Variants in AAMDC observed in about 807,000 individuals in gnomAD.
AAMDC encodes mth938 domain-containing protein.
AAMDC carries 16 observed loss-of-function variants against 15.5 expected under a neutral mutation model. The observed-to-expected ratio is 1.03, with a 90% CI of 0.70 to 1.57. The LOEUF (loss-of-function observed/expected upper bound fraction) is 1.57, where lower values mean the gene tolerates loss of function less well. Among genes scored for constraint, AAMDC ranks in the 40% most tolerant of loss-of-function variants. AAMDC has a pLI of 0.00. For synonymous variants in AAMDC, 51 were observed against 51.6 expected, an observed-to-expected ratio of 0.99 and a Z score of 0.05; for missense variants, 141 against 144.9, an observed-to-expected ratio of 0.97 and a Z score of 0.14.
At chr11:77,857,089 G>A (rs1278565112) in intron 2 of AAMDC, among the ~76,000 whole-genome samples, 1 of 152,204 alleles carries the variant, frequency 6.6e-6, no homozygotes, top group Non-Finnish European at 1.5e-5. Context: ...TAAAAGATAT[G>A]TAGGTTCTGC....
chr11:77,872,132 G>A (rs780132780), intron 3 of AAMDC, 43 bp from the exon 4 acceptor site: 1 of 1,590,390 alleles, frequency 6.3e-7, no homozygotes, highest in South Asian at 1.2e-5. Context: ...AACCCCTGGG[G>A]GGCCTTTCCC....
At chr11:77,869,138 TA>T in intron 2 of AAMDC, 2 of 254,974 alleles carry the variant, frequency 7.8e-6, no homozygotes, top group Non-Finnish European at 1.5e-5. Flanking sequence ...CCATATTTTC[TA>T]AAAGGCCTAG....
At chr11:77,900,272 T>C (rs1013918723) in intron 5 of AAMDC, among the ~76,000 whole-genome samples, 6 of 151,942 alleles carry the variant, frequency 3.9e-5, no homozygotes, top group Admixed American at 1.3e-4. Context: ...GCTAATTTTA[T>C]GTATTTTTAG....
intron 5 of AAMDC, among the ~76,000 whole-genome samples, chr11:77,896,878 G>C (rs933007581): frequency 4.7e-5 from 7 of 150,310 alleles, no homozygotes; most frequent in African/African-American, 1.7e-4. Flanking sequence ...CAAGAATATT[G>C]AAAGAAAACA....
chr11:77,858,443 G>A (rs1012053100), intron 2 of AAMDC, among the ~76,000 whole-genome samples: 3 of 150,150 alleles, frequency 2.0e-5, no homozygotes, highest in South Asian at 2.1e-4. Flanking sequence ...ATAGATGATT[G>A]GCTATTTCTT....
intron 5 of AAMDC, among the ~76,000 whole-genome samples, chr11:77,899,386 T>C (rs757650409): frequency 3.3e-5 from 5 of 151,438 alleles, no homozygotes; most frequent in African/African-American, 9.7e-5. Context: ...AAATGAAAAA[T>C]ATAGGCTGGG....
intron 1 of AAMDC, among the ~76,000 whole-genome samples, chr11:77,832,572 C>T (rs998161538): frequency 6.6e-6 from 1 of 151,868 alleles, no homozygotes; most frequent in African/African-American, 2.4e-5. Flanking sequence ...GTGATCCACC[C>T]GCCTCAGCCT....
intron 2 of AAMDC, among the ~76,000 whole-genome samples, chr11:77,857,077 A>T (rs757626726): frequency 6.6e-6 from 1 of 152,238 alleles, no homozygotes; most frequent in Non-Finnish European, 1.5e-5. Context: ...ATCACCCAAC[A>T]TTAAAAGATA....
intron 1 of AAMDC, among the ~76,000 whole-genome samples, chr11:77,828,701 A>C (rs940434019): frequency 6.6e-6 from 1 of 152,004 alleles, no homozygotes; most frequent in Non-Finnish European, 1.5e-5. Context: ...GAAAATTATA[A>C]AACATTGTTC....
intron 2 of AAMDC, among the ~76,000 whole-genome samples, chr11:77,846,906 G>A (rs1950171062): frequency 1.3e-5 from 2 of 152,074 alleles, no homozygotes; most frequent in African/African-American, 4.8e-5. Flanking sequence ...GTCCCATAAA[G>A]GAAGATTCAT....
intron 5 of AAMDC, chr11:77,891,466 T>C (rs1208385783): frequency 9.3e-6 from 15 of 1,613,684 alleles, no homozygotes; most frequent in East Asian, 4.5e-5. Flanking sequence ...TGTGGATCTG[T>C]AAGCAAGAGG....
intron 1 of AAMDC, among the ~76,000 whole-genome samples, chr11:77,836,554 C>T (rs1189532700): frequency 2.0e-5 from 3 of 152,208 alleles, no homozygotes; most frequent in Non-Finnish European, 2.9e-5. Context: ...GTTTAAGACA[C>T]GCAGTCTGTG....
intron 1 of AAMDC, among the ~76,000 whole-genome samples, chr11:77,830,823 A>C (rs1414784397): frequency 6.6e-6 from 1 of 152,052 alleles, no homozygotes; most frequent in Non-Finnish European, 1.5e-5. Context: ...TCATCAAGAA[A>C]TAAATAATGA....
chr11:77,833,010 T>TA (rs1555006979), intron 1 of AAMDC, among the ~76,000 whole-genome samples: 8,410 of 32,574 alleles, frequency 0.26, 1,526 homozygotes, highest in Non-Finnish European at 0.31. Flanking sequence ...TATATATATA[T>TA]TTTTTTTTTT....
rs372322270 is a variant in AAMDC, at chr11:77,825,425, A to T, written c.-19+4184A>T. On this transcript the variant is annotated intron_variant, in intron 1 of 3. Transcript: ENST00000393427. ...AACTCACTTTAAAAAAGCTAAAACA[A>T]GCTGCGCACGGTGGTTCAAAAAAGC... Among the ~76,000 whole-genome samples the T allele has an allele frequency of 9.3e-4, 141 of 152,314 alleles. No homozygotes were observed. The South Asian group carries it at 9.3e-3, about 10-fold the overall frequency.
intron 3 of AAMDC, among the ~76,000 whole-genome samples, chr11:77,870,329 A>AT (rs965312288): frequency 0.028 from 2,475 of 88,020 alleles, 190 homozygotes; most frequent in African/African-American, 0.072. Context: ...CTATTTTTTA[A>AT]TTTTTTTTTT....
At chr11:77,856,246 T>G (rs1444121987) in intron 2 of AAMDC, among the ~76,000 whole-genome samples, 2 of 152,206 alleles carry the variant, frequency 1.3e-5, no homozygotes, top group Admixed American at 1.3e-4. Context: ...CAAGTAACCT[T>G]TACACTAGTT....
At position 77,884,252 on chromosome 11, in the gene AAMDC, C is replaced by T. The variant is rs758960806; in HGVS notation, c.328+7203C>T. On this transcript the variant is annotated intron_variant, in intron 5 of 5. Coordinates refer to the AAMDC transcript ENST00000304716. ...TTATTATGAAAAGTGTTCTCAGGCA[C>T]CTTCACCAGAAGAGCACTCCCTCCC... 1.2e-4 allele frequency among the ~76,000 whole-genome samples: 19 copies of T among 152,168 alleles called. 1 individual carries two copies. Among genetic ancestry groups the T allele is most frequent in the Admixed American group, 3.9e-4 (6 of 15,282 alleles).
At chr11:77,827,802 C>A (rs1949247183) in intron 1 of AAMDC, among the ~76,000 whole-genome samples, 1 of 152,038 alleles carries the variant, frequency 6.6e-6, no homozygotes. Context: ...AAAAGGCATC[C>A]AGATTGGCAT....
Sources: allele counts gnomAD v4.1 joint callset (sites outside exome capture counted in the v4.1 genomes callset), GRCh38; gene constraint gnomAD v4.1.1; transcripts MANE v1.5; gene names NCBI Gene and HGNC (gene_info 2026-07-23, HGNC 2026-07-21).